The following BRCA2 variants were observed in gnomAD, a reference collection of about 807,000 sequenced individuals.
BRCA2 encodes the protein breast cancer type 2 susceptibility protein.
Under a neutral mutation model 276.7 loss-of-function variants are expected in BRCA2, and 203 were observed. The observed-to-expected ratio is 0.73, with a 90% CI of 0.65 to 0.82. BRCA2 has a LOEUF of 0.82. Ranked by LOEUF, BRCA2 falls within the 40% of genes least tolerant of loss-of-function variation. BRCA2 has a pLI of 0.00. For synonymous variants in BRCA2, 1,289 were observed against 1,338.4 expected, an observed-to-expected ratio of 0.96 and a Z score of 0.81; for missense variants, 3,920 against 3,915.0, an observed-to-expected ratio of 1.00 and a Z score of -0.03.
In BRCA2 at chr13:32,392,336, T is replaced by C. The variant is rs546339545; in HGVS notation, c.9257-2353T>C. On this transcript the variant is annotated intron_variant, in intron 24 of 26. Coordinates refer to ENST00000380152, the MANE Select transcript of BRCA2 (RefSeq NM_000059.4). ...TCCAGCTTTCCTAGCCTCAGTTCTATCCTGGTTTATCCCAGGATAGAATGG... is the reference window on the plus strand; with the variant it reads ...TCCAGCTTTCCTAGCCTCAGTTCTACCCTGGTTTATCCCAGGATAGAATGG... Among the ~76,000 whole-genome samples, 3 of 152,330 alleles carry C rather than the reference T, an allele frequency of 2.0e-5. No individual in the cohort carries two copies. The South Asian group carries it at 6.2e-4, about 32-fold the overall frequency.
chr13:32,397,484 T>C, intron 26 of BRCA2, among the ~76,000 whole-genome samples: 1 of 152,346 alleles, frequency 6.6e-6, no homozygotes, highest in Non-Finnish European at 1.5e-5. Context: ...ATAACAACCC[T>C]ATGAGATAAA....
chr13:32,379,979 T>C (rs2137624281), intron 23 of BRCA2, 28 bp from the exon 24 acceptor site: 1 of 1,613,704 alleles, frequency 6.2e-7, no homozygotes, highest in Non-Finnish European at 8.5e-7. Flanking sequence ...AATCTCCATA[T>C]GTTGAATTTT....
intron 3 of BRCA2, among the ~76,000 whole-genome samples, chr13:32,323,063 C>T (rs184839929): frequency 6.6e-6 from 1 of 152,268 alleles, no homozygotes; most frequent in Admixed American, 6.5e-5. Context: ...TTGTTGCTCA[C>T]ATCCTCACCA....
At chr13:32,355,564 A>G (rs2072687280) in intron 14 of BRCA2, among the ~76,000 whole-genome samples, 1 of 152,130 alleles carries the variant, frequency 6.6e-6, no homozygotes, top group South Asian at 2.1e-4. Flanking sequence ...TTCTTTTTAA[A>G]ATGTGATAAA....
At chr13:32,377,505 G>A (rs1462215629) in intron 21 of BRCA2, among the ~76,000 whole-genome samples, 1 of 150,884 alleles carries the variant, frequency 6.6e-6, no homozygotes, top group Non-Finnish European at 1.5e-5. Flanking sequence ...CAGGAGAATC[G>A]CTTGAATCCA....
intron 24 of BRCA2, among the ~76,000 whole-genome samples, chr13:32,387,678 T>C (rs1303562921): frequency 6.6e-6 from 1 of 152,226 alleles, no homozygotes; most frequent in East Asian, 1.9e-4. Context: ...TCCACTTTTA[T>C]GCTTCTCCCG....
chr13:32,366,266 A>G (rs1233116756), intron 18 of BRCA2, among the ~76,000 whole-genome samples: 1 of 152,196 alleles, frequency 6.6e-6, no homozygotes, highest in Non-Finnish European at 1.5e-5. Flanking sequence ...AATGAAACAA[A>G]ATCTTAAGCT....
chr13:32,348,818 T>G (rs2072628162), intron 13 of BRCA2, among the ~76,000 whole-genome samples: 1 of 152,204 alleles, frequency 6.6e-6, no homozygotes. Context: ...GAAAGGCAGC[T>G]AGACTACTTT....
rs1390905925 is a variant in BRCA2 at position 32,379,173 on chromosome 13, A to G, written c.8755-144A>G. Reference sequence around the variant, plus strand: ...ATAGTTTGAGGCACCTGAGAATATTATGTGAGAAACTGATTACATTAACCA... The same window carrying G: ...ATAGTTTGAGGCACCTGAGAATATTGTGTGAGAAACTGATTACATTAACCA... On this transcript the variant is annotated intron_variant, in intron 21 of 26. Coordinates refer to ENST00000380152, the MANE Select transcript of BRCA2 (RefSeq NM_000059.4). 11 of 685,842 alleles carry G rather than the reference A, an allele frequency of 1.6e-5. No individual in the cohort carries two copies. In the Admixed American group the frequency reaches 3.1e-4, roughly 19 times the overall value. The allele number at this position is 685,842 out of a possible 1,614,324, so 42.5% of individuals were successfully genotyped here.
At position 32,367,304 on chromosome 13, in the gene BRCA2, C is replaced by T. The variant is rs117384844; in HGVS notation, c.8332-3098C>T. On this transcript the variant is annotated intron_variant, in intron 18 of 26. Coordinates refer to ENST00000380152, the MANE Select transcript of BRCA2 (RefSeq NM_000059.4). ...TACAAAAATTAGGTAGGCCTGGGGG[C>T]GGGTGTCTGTAATCCCAGCTATTTG... Among the ~76,000 whole-genome samples the T allele has an allele frequency of 5.2e-3, 783 of 151,750 alleles. 21 individuals carry two copies. Among genetic ancestry groups the T allele is most frequent in the Admixed American group, 0.031 (479 of 15,220 alleles).
chr13:32,340,420 C>G lies in BRCA2; in HGVS notation c.6065C>G (p.Ser2022Ter), dbSNP rs80358843. The change falls in exon 11 of 27, where the codon TCA (serine) becomes TGA (stop). Residue 2022 changes from serine to a stop codon, truncating the protein, a stop_gained. Coordinates refer to ENST00000380152, the MANE Select transcript of BRCA2 (RefSeq NM_000059.4). LOFTEE classifies it high-confidence loss of function. Reference sequence around the variant, plus strand: ...GTATTGTTTAAAAGTAACGAACATTCAGACCAGCTCACAAGAGAAGAAAAT... The same window carrying G: ...GTATTGTTTAAAAGTAACGAACATTGAGACCAGCTCACAAGAGAAGAAAAT... The part of the protein sequence containing the change: ...SKVLFKSNEH[S>*]DQLTREENTA... 5.0e-6 allele frequency: 8 copies of G among 1,613,622 alleles called. No individual in the cohort carries two copies. Among genetic ancestry groups the G allele is most frequent in the Non-Finnish European group, 6.8e-6 (8 of 1,179,778 alleles).
At chr13:32,319,403 A>C in intron 3 of BRCA2, 78 bp downstream of exon 3, 2 of 1,395,654 alleles carry the variant, frequency 1.4e-6, no homozygotes, top group Non-Finnish European at 2.0e-6. Flanking sequence ...ATCTTAGCTC[A>C]TTCATTAATT....
chr13:32,331,099 T>G (rs2072388712), intron 9 of BRCA2, 69 bp downstream of exon 9: 1 of 1,116,836 alleles, frequency 9.0e-7, no homozygotes, highest in Non-Finnish European at 1.3e-6. Context: ...TTTTTTGAGG[T>G]GGAGTCTTGC....
chr13:32,394,888 G>T lies in BRCA2; in HGVS notation c.9456G>T (p.Glu3152Asp), dbSNP rs1593199965. The T allele has an allele frequency of 6.2e-7, 1 of 1,614,064 alleles. No homozygotes were observed. Among genetic ancestry groups the T allele is most frequent in the Non-Finnish European group, 8.5e-7 (1 of 1,179,984 alleles). ...DFSVFSASPK[E>D]GHFQETFNKM... ...CTGTGTTTTCTGCTAGTCCAAAAGA[G>T]GGCCACTTTCAAGAGACATTCAACA... Residue 3152 changes from glutamate to aspartate, a missense_variant, in exon 25 of 27, where the codon GAG (glutamate) becomes GAT (aspartate). This residue lies in a region of BRCA2 where 657 missense variants were observed against 758.2 expected (regional missense o/e 0.87). Coordinates refer to ENST00000380152, the MANE Select transcript of BRCA2 (RefSeq NM_000059.4).
chr13:32,341,568 T>G (rs995199746), intron 11 of BRCA2, among the ~76,000 whole-genome samples: 2 of 152,226 alleles, frequency 1.3e-5, no homozygotes, highest in African/African-American at 4.8e-5. Context: ...CTTAACTGTT[T>G]TCATATACAT....
At chr13:32,352,328 A>G (rs1238182282) in intron 13 of BRCA2, among the ~76,000 whole-genome samples, 1 of 152,176 alleles carries the variant, frequency 6.6e-6, no homozygotes, top group East Asian at 1.9e-4. Flanking sequence ...GAATAGTTTA[A>G]TGTATTTAAC....
rs2126042 is a variant in BRCA2, at chr13:32,329,548, C to T, written c.681+56C>T. ...GAAATTGCTAACAATTTTGGAATGC[C>T]TTGTTAAATTATTTATCTTACATTT... On this transcript the variant is annotated intron_variant, in intron 8 of 26. Coordinates refer to ENST00000380152, the MANE Select transcript of BRCA2 (RefSeq NM_000059.4). 0.19 allele frequency: 248,500 copies of T among 1,307,266 alleles called. 24,994 individuals are homozygous for T. Among genetic ancestry groups the T allele is most frequent in the African/African-American group, 0.25 (16,934 of 68,464 alleles). The allele number at this position is 1,307,266 out of a possible 1,614,324, so 81.0% of individuals were successfully genotyped here. A position where few individuals can be genotyped will look rare whatever the true frequency, so the allele number is the denominator to read the frequency against.
intron 18 of BRCA2, among the ~76,000 whole-genome samples, chr13:32,366,813 C>G (rs1425160205): frequency 6.7e-6 from 1 of 149,450 alleles, no homozygotes; most frequent in Non-Finnish European, 1.5e-5. Context: ...CAAAGTGAGA[C>G]CCTGTCTCAA....
chr13:32,338,248 T>C lies in BRCA2; in HGVS notation c.3893T>C (p.Ile1298Thr), dbSNP rs80358633. The change falls in exon 11 of 27, where the codon ATT becomes ACT. Residue 1298 changes from isoleucine (I) to threonine (T), a missense_variant. Transcript: ENST00000380152. ...NKCQLILQNN[I>T]EMTTGTFVEE... ...TGCCAACTGATATTACAAAATAATATTGAAATGACTACTGGCACTTTTGTT... is the reference window on the plus strand; with the variant it reads ...TGCCAACTGATATTACAAAATAATACTGAAATGACTACTGGCACTTTTGTT... 4 of 1,548,116 alleles carry C rather than the reference T, an allele frequency of 2.6e-6. No homozygotes were observed. Among genetic ancestry groups the C allele is most frequent in the Non-Finnish European group, 3.5e-6 (4 of 1,148,266 alleles).
Sources: gnomAD v4.1 joint callset for allele counts (sites outside exome capture counted in the v4.1 genomes callset) on GRCh38, gnomAD v4.1.1 for gene constraint, gnomAD v4.1.1 regional missense constraint, MANE v1.5 for transcripts, NCBI Gene and HGNC (gene_info 2026-07-23, HGNC 2026-07-21) for gene names.